Variants in ERC2 observed in about 807,000 individuals in gnomAD.
ERC2 encodes the protein ELKS/RAB6-interacting/CAST family member 2.
A neutral mutation model predicts 114.8 loss-of-function variants in ERC2; 42 were observed. The observed-to-expected ratio is 0.37, with a 90% CI of 0.29 to 0.47. The LOEUF (loss-of-function observed/expected upper bound fraction) is 0.47. ERC2 is among the 20% of genes least tolerant of loss of function. The pLI, the probability that ERC2 is intolerant of heterozygous loss-of-function variation, is 0.99. For synonymous variants in ERC2, 454 were observed against 425.5 expected, an observed-to-expected ratio of 1.07 and a Z score of -0.82; for missense variants, 939 against 1,150.7, an observed-to-expected ratio of 0.82 and a Z score of 2.66.
chr3:55,952,331 G>C (rs535322349), intron 12 of ERC2, among the ~76,000 whole-genome samples: 2 of 151,596 alleles, frequency 1.3e-5, no homozygotes, highest in African/African-American at 4.8e-5. Context: ...CATCTCCTTA[G>C]TCTTTGAGTT....
At chr3:56,156,036 G>A (rs973146843) in intron 4 of ERC2, among the ~76,000 whole-genome samples, 7 of 152,144 alleles carry the variant, frequency 4.6e-5, no homozygotes, top group African/African-American at 1.7e-4. Flanking sequence ...AAGGCAACAA[G>A]ATAGTCTTTG....
At chr3:55,544,607 T>C (rs2054617010) in intron 17 of ERC2, among the ~76,000 whole-genome samples, 1 of 152,172 alleles carries the variant, frequency 6.6e-6, no homozygotes, top group Admixed American at 6.5e-5. Context: ...GAATTCTGAG[T>C]TGTTTGCCAA....
At chr3:55,588,735 C>A (rs116097686) in intron 17 of ERC2, among the ~76,000 whole-genome samples, 2,194 of 152,286 alleles carry the variant, frequency 0.014, 22 homozygotes, top group Middle Eastern at 0.031. Flanking sequence ...GGGGCTCCCC[C>A]TTCCTTCCCA....
At chr3:56,017,888 G>A (rs1209984854) in intron 8 of ERC2, among the ~76,000 whole-genome samples, 1 of 152,146 alleles carries the variant, frequency 6.6e-6, no homozygotes, top group African/African-American at 2.4e-5. Context: ...CACTCCACCA[G>A]TATCCAGTAC....
At chr3:56,149,253 C>G (rs915411295) in intron 4 of ERC2, 121 bp from the exon 5 acceptor site, 2 of 908,982 alleles carry the variant, frequency 2.2e-6, no homozygotes, top group Admixed American at 2.9e-5. Flanking sequence ...ATGGTATAGA[C>G]AGCCCTGAAT....
chr3:56,120,022 A>G (rs2079483969), intron 6 of ERC2, among the ~76,000 whole-genome samples: 1 of 152,230 alleles, frequency 6.6e-6, no homozygotes, highest in African/African-American at 2.4e-5. Context: ...AGAATGCTCA[A>G]AAGTTTTCTT....
chr3:56,322,212 T>C (rs142783739), intron 2 of ERC2, among the ~76,000 whole-genome samples: 3 of 152,334 alleles, frequency 2.0e-5, no homozygotes, highest in African/African-American at 4.8e-5. Flanking sequence ...AGCAGTTGTT[T>C]ATCAAATAAT....
intron 12 of ERC2, among the ~76,000 whole-genome samples, chr3:55,951,369 A>T (rs7430876): frequency 0.093 from 14,225 of 152,270 alleles, 919 homozygotes; most frequent in East Asian, 0.24. Context: ...TTGGCTAATC[A>T]TAATGTTAAA....
chr3:56,387,435 A>T (rs909088607), intron 2 of ERC2, among the ~76,000 whole-genome samples: 1 of 152,192 alleles, frequency 6.6e-6, no homozygotes, highest in Non-Finnish European at 1.5e-5. Context: ...GAACACACTA[A>T]TAAAATGGGC....
chr3:55,966,722 A>T (rs1044377950), intron 12 of ERC2, among the ~76,000 whole-genome samples: 3 of 152,106 alleles, frequency 2.0e-5, no homozygotes, highest in African/African-American at 7.2e-5. Context: ...CACACTTCCT[A>T]ATTCCCTGTT....
intron 17 of ERC2, chr3:55,606,706 CAG>C (rs1213078345): frequency 6.6e-6 from 1 of 152,434 alleles, no homozygotes; most frequent in South Asian, 2.1e-4. Context: ...GCTCATTATG[CAG>C]AGTCTCTCTG....
At chr3:55,816,060 T>C (rs2059895828) in intron 14 of ERC2, among the ~76,000 whole-genome samples, 1 of 152,244 alleles carries the variant, frequency 6.6e-6, no homozygotes, top group African/African-American at 2.4e-5. Context: ...AGCCTTTTTA[T>C]ATTTTCTTCT....
intron 13 of ERC2, among the ~76,000 whole-genome samples, chr3:55,901,737 AG>A (rs2064147476): frequency 6.6e-6 from 1 of 152,240 alleles, no homozygotes; most frequent in African/African-American, 2.4e-5. Flanking sequence ...TCACTTCCAC[AG>A]TCACTATCCA....
At chr3:55,594,138 G>T (rs1347989892) in intron 17 of ERC2, among the ~76,000 whole-genome samples, 4 of 151,938 alleles carry the variant, frequency 2.6e-5, no homozygotes, top group African/African-American at 9.7e-5. Context: ...CTCCTGTATT[G>T]TCTTCTTTGA....
chr3:55,851,188 T>TTTTTTTTTTTTTTTTTTTTTTTGAG (rs1427189122), intron 14 of ERC2, among the ~76,000 whole-genome samples: 1 of 147,992 alleles, frequency 6.8e-6, no homozygotes, highest in Non-Finnish European at 1.5e-5. Context: ...ATGATTTTTT[T>TTTTTTTTTTTTTTTTTTTTTTTGAG]AAGCCCATGC....
chr3:55,630,130 C>G (rs1005761021), intron 17 of ERC2, among the ~76,000 whole-genome samples: 1 of 152,216 alleles, frequency 6.6e-6, no homozygotes, highest in East Asian at 1.9e-4. Context: ...TGCAGCTACT[C>G]TCCTAAAGCA....
At chr3:55,891,389 A>G (rs2063588391) in intron 13 of ERC2, among the ~76,000 whole-genome samples, 1 of 150,498 alleles carries the variant, frequency 6.6e-6, no homozygotes, top group South Asian at 2.1e-4. Flanking sequence ...GGGGGTGGTA[A>G]CTCCCAGCAT....
chr3:55,519,742 G>A (rs2052774198), intron 17 of ERC2, among the ~76,000 whole-genome samples: 2 of 152,082 alleles, frequency 1.3e-5, no homozygotes, highest in South Asian at 4.1e-4. Flanking sequence ...CTAGTTAAGG[G>A]TAAATTTAGG....
intron 3 of ERC2, among the ~76,000 whole-genome samples, chr3:56,232,564 T>A (rs949399954): frequency 8.5e-5 from 13 of 152,184 alleles, no homozygotes; most frequent in African/African-American, 3.1e-4. Context: ...GCCTGGGACT[T>A]CATCCTTGTG....
Sources: gnomAD v4.1 joint callset for allele counts (sites outside exome capture counted in the v4.1 genomes callset) on GRCh38, gnomAD v4.1.1 for gene constraint, MANE v1.5 for transcripts, NCBI Gene and HGNC (gene_info 2026-07-23, HGNC 2026-07-21) for gene names.